Variants in RBFOX1 observed in about 807,000 individuals in gnomAD.
The protein encoded by RBFOX1 is RNA binding protein fox-1 homolog 1.
Under a neutral mutation model 57.7 loss-of-function variants are expected in RBFOX1, and 8 were observed. The ratio of observed to expected loss-of-function variants is 0.14; its 90% CI spans 0.08 to 0.25. The LOEUF (loss-of-function observed/expected upper bound fraction) is 0.25, where lower values mean the gene tolerates loss of function less well. Ranked by LOEUF, RBFOX1 falls within the 10% of genes least tolerant of loss-of-function variation. RBFOX1 has a pLI of 1.00. For missense variants in RBFOX1, 611 were observed against 548.5 expected (o/e 1.11, Z -1.14); for synonymous variants, 326 against 222.4 (o/e 1.47, Z -4.15).
At chr16:6,467,106 A>T (rs2095066915) in intron 2 of RBFOX1, among the ~76,000 whole-genome samples, 2 of 151,008 alleles carry the variant, frequency 1.3e-5, no homozygotes, top group African/African-American at 4.8e-5. Context: ...AATAAAATTT[A>T]CTTAATATAT....
chr16:5,591,437 G>A (rs1305572606), intron 2 of RBFOX1, among the ~76,000 whole-genome samples: 2 of 152,076 alleles, frequency 1.3e-5, no homozygotes, highest in Non-Finnish European at 2.9e-5. Context: ...TTTTAGTAGA[G>A]ATGGGGTTTC....
intron 4 of RBFOX1, among the ~76,000 whole-genome samples, chr16:7,073,915 CAA>C (rs2057833653): frequency 6.6e-6 from 1 of 151,918 alleles, no homozygotes; most frequent in African/African-American, 2.4e-5. Flanking sequence ...AATTGACTGA[CAA>C]TCCAGAGCAG....
At chr16:6,973,562 A>C (rs986244938) in intron 3 of RBFOX1, among the ~76,000 whole-genome samples, 1 of 152,000 alleles carries the variant, frequency 6.6e-6, no homozygotes, top group African/African-American at 2.4e-5. Flanking sequence ...GAGTCTGTTT[A>C]TTTCTTTCTT....
intron 2 of RBFOX1, among the ~76,000 whole-genome samples, chr16:6,359,638 CTGCAA>C (rs2088050536): frequency 1.3e-5 from 2 of 152,162 alleles, no homozygotes; most frequent in African/African-American, 4.8e-5. Context: ...CCAACATGTC[CTGCAA>C]TGCTTTATTC....
rs987139753 is a variant in RBFOX1, at chr16:7,403,835, C to T, written c.28-114312C>T. 5.9e-5 allele frequency among the ~76,000 whole-genome samples: 9 copies of T among 151,806 alleles called. 1 individual carries two copies. The highest frequency in any genetic ancestry group is 4.1e-4 in the South Asian group (2 of 4,822). On this transcript the variant is annotated intron_variant, in intron 4 of 15. Transcript: ENST00000550418. ...TGCTGGGATTATAGGCGTGAGCCAC[C>T]ATGCCGGGGCTCCTTGTTTTCTTAA...
chr16:5,270,685 A>G, intron 1 of RBFOX1: 2 of 524,670 alleles, frequency 3.8e-6, no homozygotes, highest in Admixed American at 2.4e-5. Flanking sequence ...GTTGGAAATC[A>G]TGACCTGAGA....
chr16:5,382,041 C>T (rs1345002837), intron 1 of RBFOX1, among the ~76,000 whole-genome samples: 1 of 152,206 alleles, frequency 6.6e-6, no homozygotes, highest in Non-Finnish European at 1.5e-5. Context: ...TGTCTCCAGA[C>T]ATTGCCAGAT....
intron 3 of RBFOX1, among the ~76,000 whole-genome samples, chr16:5,612,025 G>C (rs1316767324): frequency 6.6e-6 from 1 of 150,904 alleles, no homozygotes; most frequent in Non-Finnish European, 1.5e-5. Context: ...CTACTTGGGA[G>C]GCTGGGATGG....
At chr16:6,831,027 C>T (rs1383302252) in intron 3 of RBFOX1, among the ~76,000 whole-genome samples, 1 of 152,194 alleles carries the variant, frequency 6.6e-6, no homozygotes, top group Non-Finnish European at 1.5e-5. Flanking sequence ...TAAGCCTTTT[C>T]CCAATTGATC....
At position 5,766,449 on chromosome 16, in the gene RBFOX1, G is replaced by C. The variant is rs562611688; in HGVS notation, c.319-100854G>C. On this transcript the variant is annotated intron_variant, in intron 3 of 19. Coordinates refer to the RBFOX1 transcript ENST00000641259. ...AAATGCAAAAAATTAGCTGGGTGTG[G>C]TGGCACATGCCTGTAGTACCAGCTA... 2.6e-5 allele frequency among the ~76,000 whole-genome samples: 4 copies of C among 152,140 alleles called. No individual in the cohort carries two copies. In the South Asian group the frequency reaches 6.2e-4, roughly 24 times the overall value.
At chr16:6,838,775 C>T in intron 3 of RBFOX1, among the ~76,000 whole-genome samples, 1 of 152,262 alleles carries the variant, frequency 6.6e-6, no homozygotes, top group South Asian at 2.1e-4. Context: ...TAGTGTCATA[C>T]AAATGTACAT....
At chr16:7,693,281 C>A in intron 14 of RBFOX1, 4 of 1,597,350 alleles carry the variant, frequency 2.5e-6, no homozygotes, top group Non-Finnish European at 3.4e-6. Flanking sequence ...TCCCCCTGAG[C>A]GAGCAGTATT....
At chr16:6,784,199 C>G (rs960970300) in intron 3 of RBFOX1, among the ~76,000 whole-genome samples, 1 of 151,990 alleles carries the variant, frequency 6.6e-6, no homozygotes, top group Non-Finnish European at 1.5e-5. Flanking sequence ...TTTGAATAAA[C>G]TTTCTATCCC....
intron 3 of RBFOX1, among the ~76,000 whole-genome samples, chr16:5,634,629 T>C (rs940212425): frequency 6.6e-6 from 1 of 152,094 alleles, no homozygotes; most frequent in African/African-American, 2.4e-5. Context: ...TGAAGGAAAG[T>C]TATTGGTCAG....
At chr16:6,924,055 A>C (rs1039450959) in intron 3 of RBFOX1, among the ~76,000 whole-genome samples, 4 of 151,784 alleles carry the variant, frequency 2.6e-5, no homozygotes, top group African/African-American at 9.7e-5. Flanking sequence ...CTGTAGTCCC[A>C]GCTTCTCGGG....
At chr16:6,674,158 C>G (rs1164505476) in intron 3 of RBFOX1, among the ~76,000 whole-genome samples, 1 of 152,090 alleles carries the variant, frequency 6.6e-6, no homozygotes, top group Non-Finnish European at 1.5e-5. Context: ...TGAATAGAGT[C>G]CTCCAGAAAA....
At chr16:7,051,132 A>G (rs916265536) in intron 3 of RBFOX1, among the ~76,000 whole-genome samples, 2 of 152,324 alleles carry the variant, frequency 1.3e-5, no homozygotes, top group East Asian at 1.9e-4. Context: ...GTTAAAAAAA[A>G]ATACTGGAAA....
intron 2 of RBFOX1, among the ~76,000 whole-genome samples, chr16:6,528,502 G>A (rs964266045): frequency 2.0e-5 from 3 of 152,312 alleles, no homozygotes; most frequent in South Asian, 2.1e-4. Context: ...AGGAGCAAAT[G>A]GTGAACAGCT....
intron 2 of RBFOX1, among the ~76,000 whole-genome samples, chr16:6,490,628 G>A (rs1220578574): frequency 1.3e-5 from 2 of 152,146 alleles, no homozygotes; most frequent in African/African-American, 4.8e-5. Context: ...TTTACCTGAG[G>A]CAGGACACAG....
Sources: allele counts gnomAD v4.1 joint callset (sites outside exome capture counted in the v4.1 genomes callset), GRCh38; gene constraint gnomAD v4.1.1; transcripts MANE v1.5; gene names NCBI Gene and HGNC (gene_info 2026-07-23, HGNC 2026-07-21).